The following GRIK3 variants were observed in gnomAD, a reference collection of about 807,000 sequenced individuals.
The protein encoded by GRIK3 is glutamate ionotropic receptor kainate type subunit 3, also known as glutamate receptor ionotropic, kainate 3.
A neutral mutation model predicts 102.5 loss-of-function variants in GRIK3; 29 were observed. That is an observed-to-expected ratio of 0.28 (90% CI 0.21 to 0.39). The LOEUF (loss-of-function observed/expected upper bound fraction) is 0.39, where lower values mean the gene tolerates loss of function less well. Ranked by LOEUF, GRIK3 falls within the 10% of genes least tolerant of loss-of-function variation. The pLI, the probability that GRIK3 is intolerant of heterozygous loss-of-function variation, is 1.00. For synonymous variants in GRIK3, 511 were observed against 504.9 expected (o/e 1.01, Z -0.16); for missense variants, 908 against 1,252.4 (o/e 0.73, Z 4.15).
At chr1:36,877,657 G>C (rs559834371) in intron 3 of GRIK3, among the ~76,000 whole-genome samples, 1 of 152,218 alleles carries the variant, frequency 6.6e-6, no homozygotes, top group African/African-American at 2.4e-5. Context: ...CCCTAGCCAG[G>C]CTGTCCTCTT....
At position 36,817,031 on chromosome 1, in the gene GRIK3, G is replaced by A. The variant is rs2993078; in HGVS notation, c.2091+29C>T. On this transcript the variant is annotated intron_variant, in intron 13 of 15. Transcript: ENST00000373091. The stretch of plus-strand genomic sequence containing the variant: ...AGGGTCCGGAGAGGATCAGCTCACG[G>A]TGCTGCAATAGGAGGGAGAGGGCCT... The A allele has an allele frequency of 2.9e-3, 4,265 of 1,484,450 alleles. 104 individuals are homozygous for A. In the African/African-American group the frequency reaches 0.052, roughly 18 times the overall value. The allele number at this position is 1,484,450 out of a possible 1,614,324, so 92.0% of individuals were successfully genotyped here. A position where few individuals can be genotyped will look rare whatever the true frequency, so the allele number is the denominator to read the frequency against.
At chr1:37,030,034 G>C (rs1341141969) in intron 1 of GRIK3, among the ~76,000 whole-genome samples, 1 of 152,206 alleles carries the variant, frequency 6.6e-6, no homozygotes, top group African/African-American at 2.4e-5. Context: ...GTGCGAGGCA[G>C]GCATCAGGAA....
intron 1 of GRIK3, among the ~76,000 whole-genome samples, chr1:36,934,312 G>A (rs141664845): frequency 5.8e-4 from 89 of 152,304 alleles, no homozygotes; most frequent in African/African-American, 1.8e-3. Context: ...ACTCTCCTGT[G>A]TGCAGACTCC....
Position 36,880,541 on chromosome 1 carries a change from G to A in GRIK3, c.550+93C>T. 1 of 1,262,606 alleles carries A rather than the reference G, an allele frequency of 7.9e-7. No homozygotes were observed. The highest frequency in any genetic ancestry group is 1.1e-6 in the Non-Finnish European group (1 of 876,356). The allele number at this position is 1,262,606 out of a possible 1,614,324, so 78.2% of individuals were successfully genotyped here. ...TATGGAACACAGCCTCTTCCCCCAG[G>A]GCAGCTGTGCTGAACAAACAGACAA... On this transcript the variant is annotated intron_variant, in intron 3 of 15. Transcript: ENST00000373091. This position sits in a 1 kb window ranked among gnomAD's most constrained non-coding sequence, Gnocchi z 5.4.
intron 13 of GRIK3, among the ~76,000 whole-genome samples, chr1:36,814,950 A>G (rs145447683): frequency 4.6e-5 from 7 of 152,348 alleles, no homozygotes; most frequent in Non-Finnish European, 1.0e-4. Context: ...CACGTGTCCA[A>G]GCACAAATAC....
intron 11 of GRIK3, among the ~76,000 whole-genome samples, chr1:36,821,381 T>G (rs1274711551): frequency 6.6e-6 from 1 of 152,196 alleles, no homozygotes; most frequent in Non-Finnish European, 1.5e-5. Context: ...TTTGGAGAGC[T>G]GGGTGTCCAG....
chr1:36,860,759 G>C (rs948835676), intron 5 of GRIK3, among the ~76,000 whole-genome samples: 19 of 152,340 alleles, frequency 1.2e-4, no homozygotes, highest in African/African-American at 4.6e-4. Context: ...CCTAAGCTAG[G>C]AGAGATGGCG....
intron 1 of GRIK3, among the ~76,000 whole-genome samples, chr1:36,992,031 G>A (rs1020299469): frequency 1.3e-5 from 2 of 152,152 alleles, no homozygotes; most frequent in Admixed American, 6.5e-5. Context: ...CTGGGGGGTG[G>A]TTCCCAGGAG....
chr1:37,016,776 G>T (rs909866969), intron 1 of GRIK3, among the ~76,000 whole-genome samples: 1 of 152,082 alleles, frequency 6.6e-6, no homozygotes, highest in Non-Finnish European at 1.5e-5. Context: ...CCCAATTTTT[G>T]AATGTTGGCT....
chr1:36,973,876 C>A (rs970441436), intron 1 of GRIK3, among the ~76,000 whole-genome samples: 2 of 152,110 alleles, frequency 1.3e-5, no homozygotes, highest in Non-Finnish European at 2.9e-5. Context: ...TGGACAGTAC[C>A]CTGCCCTTGT....
chr1:36,924,560 G>T (rs1219792630), intron 1 of GRIK3, among the ~76,000 whole-genome samples: 1 of 152,196 alleles, frequency 6.6e-6, no homozygotes, highest in East Asian at 1.9e-4. Flanking sequence ...TGGGTACCCG[G>T]TTGGGGGAGT....
chr1:36,840,551 CAAAA>C (rs11442581), intron 10 of GRIK3, among the ~76,000 whole-genome samples: 237 of 73,288 alleles, frequency 3.2e-3, no homozygotes, highest in African/African-American at 0.012. Flanking sequence ...TGCTCTCCAC[CAAAA>C]AAAAAAAAAA....
chr1:36,955,749 C>T (rs1370577116), intron 1 of GRIK3, among the ~76,000 whole-genome samples: 5 of 152,246 alleles, frequency 3.3e-5, no homozygotes, highest in Admixed American at 6.5e-5. Context: ...CACACCAAGG[C>T]GTTCAGGACC....
Position 36,859,863 on chromosome 1 carries a change from A to C in GRIK3, c.941T>G (p.Leu314Arg). The C allele has an allele frequency of 6.2e-7, 1 of 1,613,908 alleles. No homozygotes were observed. The highest frequency in any genetic ancestry group is 8.5e-7 in the Non-Finnish European group (1 of 1,179,830). ...LQAAPRSESG[L>R]LDGVMMTDAA... ...CCTTACCATCATCACTCCATCCAGC[A>C]GGCCAGACTCGGACCGGGGAGCTGC... Residue 314 changes from leucine (L) to arginine (R), a missense_variant, in exon 6 of 16, where the codon CTG (leucine) becomes CGG (arginine). This residue lies in a region of GRIK3 where 585 missense variants were observed against 824.9 expected (regional missense o/e 0.71). Coordinates refer to ENST00000373091, the MANE Select transcript of GRIK3 (RefSeq NM_000831.4).
intron 1 of GRIK3, among the ~76,000 whole-genome samples, chr1:36,914,957 T>C (rs1476109128): frequency 6.6e-6 from 1 of 152,240 alleles, no homozygotes; most frequent in Non-Finnish European, 1.5e-5. Flanking sequence ...CCTGAGGTAG[T>C]TGTTTCAAAT....
chr1:36,891,291 C>CCAG (rs1168763038), intron 1 of GRIK3, among the ~76,000 whole-genome samples, 195 bp from the exon 2 acceptor site: 1 of 152,234 alleles, frequency 6.6e-6, no homozygotes, highest in African/African-American at 2.4e-5. Flanking sequence ...TTTCACTCAA[C>CCAG]CAGCAAATTC....
intron 8 of GRIK3, among the ~76,000 whole-genome samples, chr1:36,851,406 C>T (rs1324752850): frequency 2.0e-5 from 3 of 152,238 alleles, no homozygotes; most frequent in African/African-American, 7.2e-5. Flanking sequence ...TCCCTGCCTA[C>T]ATAGACCACC....
At chr1:36,980,525 T>A (rs905786645) in intron 1 of GRIK3, among the ~76,000 whole-genome samples, 1 of 151,708 alleles carries the variant, frequency 6.6e-6, no homozygotes, top group Non-Finnish European at 1.5e-5. Flanking sequence ...ATGCCTGGAT[T>A]TCCTCACCCC....
chr1:37,002,670 CTTT>C (rs57712253), intron 1 of GRIK3, among the ~76,000 whole-genome samples: 41 of 135,248 alleles, frequency 3.0e-4, no homozygotes, highest in African/African-American at 9.0e-4. Flanking sequence ...TTCTTTCTTT[CTTT>C]TTTTTTTTTT....
Sources: allele counts gnomAD v4.1 joint callset (sites outside exome capture counted in the v4.1 genomes callset), GRCh38; gene constraint gnomAD v4.1.1; regional missense constraint gnomAD v4.1.1; non-coding constraint Gnocchi (gnomAD v3.1); transcripts MANE v1.5; gene names NCBI Gene and HGNC (gene_info 2026-07-23, HGNC 2026-07-21).